The following WDR41 variants were observed in gnomAD, a reference collection of about 807,000 sequenced individuals.
The protein encoded by WDR41 is WD repeat-containing protein 41.
WDR41 carries 63 observed loss-of-function variants against 69.3 expected under a neutral mutation model. The observed-to-expected ratio is 0.91, with a 90% CI of 0.74 to 1.12. The LOEUF is 1.12. Among genes scored for constraint, WDR41 ranks in the 50% most tolerant of loss-of-function variants. The probability of loss-of-function intolerance (pLI) is 0.00; values close to 1 mark genes in which losing one functional copy is unlikely to be tolerated. For missense variants in WDR41, 543 were observed against 534.5 expected (o/e 1.02, Z -0.16); for synonymous variants, 185 against 192.1 (o/e 0.96, Z 0.31).
intron 1 of WDR41, among the ~76,000 whole-genome samples, chr5:77,532,261 T>C (rs1802538599): frequency 6.6e-6 from 1 of 152,070 alleles, no homozygotes; most frequent in Non-Finnish European, 1.5e-5. Flanking sequence ...ATGTTTGAAA[T>C]TTTTTATGAT....
At chr5:77,489,434 A>G in intron 2 of WDR41, 23 bp downstream of exon 2, 2 of 1,444,662 alleles carry the variant, frequency 1.4e-6, no homozygotes, top group Non-Finnish European at 1.9e-6. Flanking sequence ...ACAATAGTCA[A>G]TTAGACCACT....
At chr5:77,617,255 C>A (rs574178977) in intron 1 of WDR41, among the ~76,000 whole-genome samples, 2 of 152,280 alleles carry the variant, frequency 1.3e-5, no homozygotes, top group Admixed American at 1.3e-4. Context: ...TTTAAATAGC[C>A]ACATGGTGCT....
chr5:77,512,351 A>AGAGAGAGAGAGAGAGAGAGAGAGAGAGT (rs1561211233), intron 1 of WDR41, among the ~76,000 whole-genome samples: 10 of 120,216 alleles, frequency 8.3e-5, no homozygotes, highest in Non-Finnish European at 1.4e-4. Flanking sequence ...AGAGAGAGAG[A>AGAGAGAGAGAGAGAGAGAGAGAGAGAGT]GTGAGTGTGT....
At chr5:77,575,493 A>G (rs921679986) in intron 1 of WDR41, among the ~76,000 whole-genome samples, 16 of 152,244 alleles carry the variant, frequency 1.1e-4, no homozygotes, top group African/African-American at 3.9e-4. Flanking sequence ...CCTTTATCAT[A>G]TAGCAGAAAC....
chr5:77,508,888 C>T (rs1397436284), intron 1 of WDR41, among the ~76,000 whole-genome samples: 1 of 152,198 alleles, frequency 6.6e-6, no homozygotes, highest in Non-Finnish European at 1.5e-5. Flanking sequence ...CTTAGCAGGG[C>T]TCTCTTCGTT....
intron 4 of WDR41, among the ~76,000 whole-genome samples, 166 bp from the exon 5 acceptor site, chr5:77,459,290 T>C (rs1446012486): frequency 6.6e-6 from 1 of 152,016 alleles, no homozygotes. Flanking sequence ...ATATAGTGAG[T>C]CATCAACTTA....
At chr5:77,554,419 G>A (rs888053067) in intron 1 of WDR41, among the ~76,000 whole-genome samples, 9 of 151,952 alleles carry the variant, frequency 5.9e-5, no homozygotes, top group African/African-American at 1.5e-4. Flanking sequence ...TAGAGCCCTC[G>A]TGAATAGGAT....
At chr5:77,530,907 A>G (rs1802518864) in intron 1 of WDR41, among the ~76,000 whole-genome samples, 1 of 151,850 alleles carries the variant, frequency 6.6e-6, no homozygotes, top group Non-Finnish European at 1.5e-5. Context: ...AGCACAGTTA[A>G]ATGTTAATGG....
intron 1 of WDR41, chr5:77,583,067 G>A: frequency 6.3e-7 from 1 of 1,595,308 alleles, no homozygotes. Flanking sequence ...GTAGAAGGTA[G>A]AGATGCTGGC....
intron 8 of WDR41, among the ~76,000 whole-genome samples, chr5:77,442,898 A>AAAAAAAAAAG (rs1799227932): frequency 6.8e-6 from 1 of 147,608 alleles, no homozygotes; most frequent in African/African-American, 2.5e-5. Context: ...TCTCCCCAAA[A>AAAAAAAAAAG]AAAAAAAAAA....
intron 1 of WDR41, among the ~76,000 whole-genome samples, chr5:77,500,363 C>T (rs1290207871): frequency 1.3e-5 from 2 of 151,852 alleles, no homozygotes; most frequent in Non-Finnish European, 2.9e-5. Context: ...AGTCAGTGAA[C>T]TTAAATGGAG....
chr5:77,512,355 AGTGTGTGTGTGTGTGTGTGTGTGT>A (rs111485869), intron 1 of WDR41, among the ~76,000 whole-genome samples: 1 of 119,320 alleles, frequency 8.4e-6, no homozygotes, highest in Non-Finnish European at 1.8e-5. Flanking sequence ...AGAGAGAGTG[AGTGTGTGTGTGTGTGTGTGTGTGT>A]GTGTGTGTGT....
At chr5:77,531,002 T>A (rs1454997145) in intron 1 of WDR41, among the ~76,000 whole-genome samples, 1 of 151,686 alleles carries the variant, frequency 6.6e-6, no homozygotes, top group Non-Finnish European at 1.5e-5. Flanking sequence ...ATACAAAAAT[T>A]AACTCAAAAT....
intron 2 of WDR41, among the ~76,000 whole-genome samples, chr5:77,472,470 G>C (rs1297174200): frequency 6.6e-6 from 1 of 151,414 alleles, no homozygotes; most frequent in Non-Finnish European, 1.5e-5. Context: ...ATTAGGAAAA[G>C]AGGAAGTCAA....
At chr5:77,489,247 C>A (rs1801655787) in intron 2 of WDR41, among the ~76,000 whole-genome samples, 1 of 152,080 alleles carries the variant, frequency 6.6e-6, no homozygotes, top group South Asian at 2.1e-4. Context: ...CTCAAATCAC[C>A]AGACACGACA....
intron 1 of WDR41, among the ~76,000 whole-genome samples, chr5:77,599,637 C>G (rs1459161512): frequency 1.3e-5 from 2 of 151,908 alleles, no homozygotes; most frequent in Non-Finnish European, 2.9e-5. Flanking sequence ...ATACAGGGTC[C>G]CATGGTGGGA....
chr5:77,512,777 G>T (rs935986619), intron 1 of WDR41, among the ~76,000 whole-genome samples: 2 of 146,434 alleles, frequency 1.4e-5, no homozygotes, highest in Non-Finnish European at 3.0e-5. Flanking sequence ...TTGGTCAGGC[G>T]GGACCTCAAC....
chr5:77,608,037 C>T (rs1317577897), intron 1 of WDR41, among the ~76,000 whole-genome samples: 1 of 152,146 alleles, frequency 6.6e-6, no homozygotes, highest in Non-Finnish European at 1.5e-5. Context: ...CCTCTTTTCT[C>T]TTGCAAAATT....
chr5:77,491,932 G>C, intron 1 of WDR41: 1 of 524,172 alleles, frequency 1.9e-6, no homozygotes. Flanking sequence ...AGCTAGCCGT[G>C]GGACGGGGCC....
Sources: allele counts gnomAD v4.1 joint callset (sites outside exome capture counted in the v4.1 genomes callset), GRCh38; gene constraint gnomAD v4.1.1; transcripts MANE v1.5; gene names NCBI Gene and HGNC (gene_info 2026-07-23, HGNC 2026-07-21).